SRGAP1: variants seen among roughly 807,000 people sequenced by gnomAD.
The protein encoded by SRGAP1 is SLIT-ROBO Rho GTPase activating protein 1, also known as SLIT-ROBO Rho GTPase-activating protein 1.
A neutral mutation model predicts 121.9 loss-of-function variants in SRGAP1; 43 were observed. The ratio of observed to expected loss-of-function variants is 0.35; its 90% CI spans 0.28 to 0.46. The LOEUF (loss-of-function observed/expected upper bound fraction) is 0.46, where lower values mean the gene tolerates loss of function less well. Among genes scored for constraint, SRGAP1 ranks in the 20% least tolerant of loss-of-function variants. The pLI, the probability that SRGAP1 is intolerant of heterozygous loss-of-function variation, is 1.00. For missense variants in SRGAP1, 1,102 were observed against 1,350.9 expected (o/e 0.82, Z 2.89); for synonymous variants, 447 against 485.4 (o/e 0.92, Z 1.04).
Position 64,151,705 on chromosome 12 carries a change from G to A in SRGAP1, c.*9033G>A, listed in dbSNP as rs2037121451. 1 of 152,138 alleles carries A rather than the reference G, an allele frequency of 6.6e-6. No homozygotes were observed. The highest frequency in any genetic ancestry group is 2.4e-5 in the African/African-American group (1 of 41,418). The allele number at this position is 152,138 out of a possible 1,614,324, so 9.4% of individuals were successfully genotyped here. ...ATAGGCTCAATGCAAATTCTTAGCA[G>A]TTTGTTAATGTGCACACCCACATTT... On this transcript the variant is annotated 3_prime_UTR_variant, in exon 22 of 22. Transcript: ENST00000355086.
chr12:63,896,865 C>G (rs952377709), intron 1 of SRGAP1, among the ~76,000 whole-genome samples: 10 of 152,180 alleles, frequency 6.6e-5, no homozygotes, highest in Non-Finnish European at 1.0e-4. Flanking sequence ...GAAAGAAGGT[C>G]CTATAGCCAG....
At chr12:64,014,451 T>G (rs1016433748) in intron 3 of SRGAP1, among the ~76,000 whole-genome samples, 1 of 152,102 alleles carries the variant, frequency 6.6e-6, no homozygotes, top group Non-Finnish European at 1.5e-5. Context: ...TAACACACAC[T>G]GGGGCCTACT....
intron 3 of SRGAP1, among the ~76,000 whole-genome samples, chr12:63,998,490 G>A (rs2033780535): frequency 6.6e-6 from 1 of 152,082 alleles, no homozygotes; most frequent in African/African-American, 2.4e-5. Flanking sequence ...ATCACAGATT[G>A]GTAGCCCTGG....
At chr12:63,929,944 A>G (rs2031408135) in intron 1 of SRGAP1, among the ~76,000 whole-genome samples, 1 of 152,200 alleles carries the variant, frequency 6.6e-6, no homozygotes, top group Admixed American at 6.5e-5. Flanking sequence ...GATGAAAAAA[A>G]GCTCAACATC....
At chr12:63,988,520 G>A (rs1288700793) in intron 2 of SRGAP1, among the ~76,000 whole-genome samples, 4 of 152,130 alleles carry the variant, frequency 2.6e-5, no homozygotes, top group Non-Finnish European at 4.4e-5. Flanking sequence ...CCTAAATCAG[G>A]CCTTCTTTCC....
intron 3 of SRGAP1, among the ~76,000 whole-genome samples, chr12:63,993,858 TAAAA>T (rs5798721): frequency 7.2e-6 from 1 of 139,174 alleles, no homozygotes; most frequent in Admixed American, 7.2e-5. Flanking sequence ...TTCAACAGGT[TAAAA>T]AAAAAAAAAA....
chr12:64,065,358 G>A, intron 8 of SRGAP1, 139 bp downstream of exon 8: 1 of 740,662 alleles, frequency 1.4e-6, no homozygotes, highest in Non-Finnish European at 2.3e-6. Flanking sequence ...GGTTCCTGTA[G>A]TACTCTTTGT....
chr12:63,859,408 A>G (rs79546249), intron 1 of SRGAP1, among the ~76,000 whole-genome samples: 13,526 of 151,760 alleles, frequency 0.089, 686 homozygotes, highest in East Asian at 0.15. Context: ...CTCAAATGAT[A>G]CACTCGCCTC....
In SRGAP1 at chr12:63,884,675, A is replaced by G. The variant is rs917574760; in HGVS notation, c.67+39792A>G. Among the ~76,000 whole-genome samples the G allele has an allele frequency of 1.6e-3, 227 of 143,782 alleles. 1 individual carries two copies. The highest frequency in any genetic ancestry group is 5.7e-3 in the African/African-American group (218 of 38,572). The allele number at this position is 143,782 out of a possible 152,430, so 94.3% of individuals were successfully genotyped here. A position where few individuals can be genotyped will look rare whatever the true frequency, so the allele number is the denominator to read the frequency against. On this transcript the variant is annotated intron_variant, in intron 1 of 21. Coordinates refer to ENST00000355086, the MANE Select transcript of SRGAP1 (RefSeq NM_020762.4). The stretch of plus-strand genomic sequence containing the variant: ...ATTGTAACTTTGTACCCATTGACCA[A>G]CCTCTCCCCTCTTCCCGCTTCCCAG...
intron 21 of SRGAP1, among the ~76,000 whole-genome samples, chr12:64,139,660 G>C (rs2036925198): frequency 6.6e-6 from 1 of 151,758 alleles, no homozygotes; most frequent in Non-Finnish European, 1.5e-5. Flanking sequence ...CCGATGAGTA[G>C]GTTGCGAAAA....
rs1001691258 is a variant in SRGAP1, at chr12:64,158,782, A to T, written c.*16110A>T. ...GTGAGACTCCATCTTAAGAAGAAAAAAAAAGCAATTACTTTTGCACCAACC... is the reference window on the plus strand; with the variant it reads ...GTGAGACTCCATCTTAAGAAGAAAATAAAAGCAATTACTTTTGCACCAACC... On this transcript the variant is annotated 3_prime_UTR_variant, in exon 22 of 22. Coordinates refer to ENST00000355086, the MANE Select transcript of SRGAP1 (RefSeq NM_020762.4). The T allele has an allele frequency of 7.2e-5, 11 of 152,074 alleles. No homozygotes were observed. Among genetic ancestry groups the T allele is most frequent in the African/African-American group, 2.4e-4 (10 of 41,354 alleles). 9.4% of individuals were successfully genotyped at this position (152,074 alleles called of 1,614,324 possible).
chr12:64,032,507 A>C, intron 4 of SRGAP1: 1 of 1,184,970 alleles, frequency 8.4e-7, no homozygotes, highest in Non-Finnish European at 1.2e-6. Context: ...GCAGCCAGGC[A>C]TGGAGCAGGC....
At chr12:63,880,624 A>G (rs1301552131) in intron 1 of SRGAP1, among the ~76,000 whole-genome samples, 2 of 152,198 alleles carry the variant, frequency 1.3e-5, no homozygotes, top group East Asian at 3.9e-4. Flanking sequence ...CAGTGACTCC[A>G]TCACTGACCT....
chr12:63,999,035 C>T (rs71452566), intron 3 of SRGAP1, among the ~76,000 whole-genome samples: 23,348 of 151,982 alleles, frequency 0.15, 2,355 homozygotes, highest in East Asian at 0.31. Flanking sequence ...AGGGGAGAAG[C>T]CCCTTACTTC....
intron 1 of SRGAP1, among the ~76,000 whole-genome samples, chr12:63,847,194 G>C (rs891154575): frequency 2.0e-5 from 3 of 151,830 alleles, no homozygotes; most frequent in Non-Finnish European, 4.4e-5. Flanking sequence ...AAATTAGCTA[G>C]GTGTGGTGGC....
intron 8 of SRGAP1, among the ~76,000 whole-genome samples, chr12:64,078,592 G>A (rs1390661959): frequency 6.6e-6 from 1 of 152,182 alleles, no homozygotes; most frequent in African/African-American, 2.4e-5. Context: ...TCATCAAGCT[G>A]CACACTTATG....
chr12:64,031,568 G>C (rs575786993), intron 4 of SRGAP1, among the ~76,000 whole-genome samples: 3 of 152,168 alleles, frequency 2.0e-5, no homozygotes, highest in African/African-American at 4.8e-5. Context: ...GAGACTGAAG[G>C]CTCCAACAGA....
At chr12:64,000,000 T>C (rs2033828945) in intron 3 of SRGAP1, among the ~76,000 whole-genome samples, 1 of 152,064 alleles carries the variant, frequency 6.6e-6, no homozygotes, top group African/African-American at 2.4e-5. Context: ...TCCGGAAAGC[T>C]AAGTGAAGAA....
At chr12:64,106,973 C>T (rs2036354628) in intron 15 of SRGAP1, among the ~76,000 whole-genome samples, 1 of 152,040 alleles carries the variant, frequency 6.6e-6, no homozygotes, top group African/African-American at 2.4e-5. Context: ...ATGTTAATTG[C>T]ATGATAATGT....
Sources: gnomAD v4.1 joint callset for allele counts (sites outside exome capture counted in the v4.1 genomes callset) on GRCh38, gnomAD v4.1.1 for gene constraint, MANE v1.5 for transcripts, NCBI Gene and HGNC (gene_info 2026-07-23, HGNC 2026-07-21) for gene names.